KRT33A: variants seen among roughly 807,000 people sequenced by gnomAD.
KRT33A encodes the protein keratin 33A.
Under a neutral mutation model 41.1 loss-of-function variants are expected in KRT33A, and 44 were observed. The observed-to-expected ratio is 1.07, with a 90% CI of 0.84 to 1.38. The LOEUF (loss-of-function observed/expected upper bound fraction) is 1.38. KRT33A is among the 40% of genes most tolerant of loss of function. KRT33A has a pLI of 0.00. For synonymous variants in KRT33A, 229 were observed against 227.8 expected, an observed-to-expected ratio of 1.01 and a Z score of -0.05; for missense variants, 536 against 518.5, an observed-to-expected ratio of 1.03 and a Z score of -0.33.
chr17:41,349,497 A>T, intron 1 of KRT33A, 69 bp from the exon 2 acceptor site: 1 of 1,502,312 alleles, frequency 6.7e-7, no homozygotes, highest in Admixed American at 1.7e-5. Context: ...AGTCCTTCCT[A>T]ATTCACTTCC....
At chr17:41,349,910 G>A (rs2017480376) in intron 1 of KRT33A, among the ~76,000 whole-genome samples, 1 of 152,052 alleles carries the variant, frequency 6.6e-6, no homozygotes, top group South Asian at 2.1e-4. Flanking sequence ...TTCCCAATTT[G>A]GGCCAAACAT....
chr17:41,346,780 G>C lies in KRT33A; in HGVS notation c.876+64C>G, dbSNP rs1015650808. The C allele has an allele frequency of 6.2e-6, 10 of 1,608,884 alleles. No individual in the cohort carries two copies. In the South Asian group the frequency reaches 8.8e-5, roughly 14 times the overall value. On this transcript the variant is annotated intron_variant, in intron 5 of 6. Coordinates refer to ENST00000007735, the MANE Select transcript of KRT33A (RefSeq NM_004138.4). ...GCTAAGGAGAGTGTGTGGCCCCAAG[G>C]GCATCCCCAAGACTCTGCCTCCCAA... is the stretch of plus-strand genomic sequence containing the variant.
At position 41,346,749 on chromosome 17, in the gene KRT33A, C is replaced by T. The variant is rs1048901772; in HGVS notation, c.877-81G>A. 11 of 1,608,936 alleles carry T rather than the reference C, an allele frequency of 6.8e-6. 1 individual carries two copies. The Admixed American group carries it at 1.0e-4, about 15-fold the overall frequency. On this transcript the variant is annotated intron_variant, in intron 5 of 6. Transcript: ENST00000007735. ...TGGGGTTCCAAAGAACTCACAAGCT[C>T]CAAGAGCTAAGGAGAGTGTGTGGCC...
chr17:41,350,629 A>T lies in KRT33A; in HGVS notation c.139T>A (p.Phe47Ile), dbSNP rs769031823. 8.7e-6 allele frequency: 14 copies of T among 1,612,394 alleles called. No individual in the cohort carries two copies. The East Asian group carries it at 2.5e-4, about 28-fold the overall frequency. The part of the protein sequence containing the change: ...IPANVSNCNW[F>I]CEGSFNGSEK... ...CTGCCATTGAAGGAGCCCTCACAGA[A>T]CCAGTTGCAGTTGCTCACATTGGCG... is the stretch of plus-strand genomic sequence containing the variant. Residue 47 changes from phenylalanine to isoleucine, a missense_variant, in exon 1 of 7, where the codon TTC (phenylalanine) becomes ATC (isoleucine). Physicochemically the swap from Phe to Ile is conservative, Grantham distance 21. Transcript: ENST00000007735.
Position 41,346,665 on chromosome 17 carries a change from C to G in KRT33A, c.880G>C (p.Asp294His). 3 of 1,614,172 alleles carry G rather than the reference C, an allele frequency of 1.9e-6. No individual in the cohort carries two copies. Among genetic ancestry groups the G allele is most frequent in the Non-Finnish European group, 2.5e-6 (3 of 1,180,014 alleles). Residue 294 changes from aspartate to histidine, a missense_variant, in exon 6 of 7, where the codon GAC becomes CAC. By Grantham distance (81) the Asp-to-His change is moderately conservative. Coordinates refer to ENST00000007735, the MANE Select transcript of KRT33A (RefSeq NM_004138.4). ...IELQAQHNLRDSLENTLTESE... is the reference protein window; with the variant it reads ...IELQAQHNLRHSLENTLTESE... Reference sequence around the variant, plus strand: ...TCTGTCAGCGTGTTTTCCAGAGAGTCTCGCTGTGGTGGGGAAGATTGAGAG... The same window carrying G: ...TCTGTCAGCGTGTTTTCCAGAGAGTGTCGCTGTGGTGGGGAAGATTGAGAG...
At chr17:41,347,911 A>C (rs1047344863) in intron 3 of KRT33A, among the ~76,000 whole-genome samples, 1 of 152,230 alleles carries the variant, frequency 6.6e-6, no homozygotes, top group Non-Finnish European at 1.5e-5. Flanking sequence ...TGTTTGGCAC[A>C]TACTAAGCAC....
intron 3 of KRT33A, among the ~76,000 whole-genome samples, chr17:41,347,866 G>A (rs1038800405): frequency 1.6e-4 from 25 of 152,220 alleles, no homozygotes; most frequent in Non-Finnish European, 3.4e-4. Flanking sequence ...ATCTTAACAT[G>A]AGAACTGCCT....
chr17:41,346,622 C>T lies in KRT33A; in HGVS notation c.923G>A (p.Ser308Asn), dbSNP rs371555388. 12 of 1,614,262 alleles carry T rather than the reference C, an allele frequency of 7.4e-6. No individual in the cohort carries two copies. Among genetic ancestry groups the T allele is most frequent in the Non-Finnish European group, 1.0e-5 (12 of 1,180,050 alleles). Residue 308 changes from serine to asparagine, a missense_variant, in exon 6 of 7, where the codon AGC becomes AAC. Physicochemically the swap from Ser to Asn is conservative, Grantham distance 46 (BLOSUM62 1). Transcript: ENST00000007735. The stretch of plus-strand genomic sequence containing the variant: ...TCTCTGCACCTGGGACAGCTGGGAG[C>T]TGTAGCGGGCCTCGCTCTCTGTCAG... ...NTLTESEARY[S>N]SQLSQVQRLI... is the part of the protein sequence containing the mutation.
Position 41,346,927 on chromosome 17 carries a change from G to T in KRT33A, c.793C>A (p.Leu265Met), listed in dbSNP as rs754124829. ...NKQVVSSSEQ[L>M]QSYQAEIIEL... ...ATGATCTCCGCCTGGTAGGACTGCAGCTGCTCCGAGCTGGATACCACCTGC... is the reference window on the plus strand; with the variant it reads ...ATGATCTCCGCCTGGTAGGACTGCATCTGCTCCGAGCTGGATACCACCTGC... The change falls in exon 5 of 7, where the codon CTG (leucine) becomes ATG (methionine). Residue 265 changes from leucine (L) to methionine (M), a missense_variant. Transcript: ENST00000007735. 5 of 1,613,280 alleles carry T rather than the reference G, an allele frequency of 3.1e-6. No individual in the cohort carries two copies. In the South Asian group the frequency reaches 5.5e-5, roughly 18 times the overall value.
chr17:41,349,529 T>A, intron 1 of KRT33A, 101 bp from the exon 2 acceptor site: 1 of 1,178,022 alleles, frequency 8.5e-7, no homozygotes, highest in Non-Finnish European at 1.2e-6. Context: ...AGGATGTCTA[T>A]CTTATTAAAT....
At chr17:41,349,849 C>T (rs920583624) in intron 1 of KRT33A, among the ~76,000 whole-genome samples, 1 of 151,874 alleles carries the variant, frequency 6.6e-6, no homozygotes, top group Admixed American at 6.6e-5. Context: ...GCCACATGTT[C>T]CCAGATGTCC....
chr17:41,347,110 G>C lies in KRT33A; in HGVS notation c.701C>G (p.Ala234Gly), dbSNP rs763128621. The change falls in exon 4 of 7, where the codon GCC (alanine) becomes GGC (glycine). Residue 234 changes from alanine (A) to glycine (G), a missense_variant. Physicochemically the swap from Ala to Gly is moderately conservative, Grantham distance 60 (BLOSUM62 0). Transcript: ENST00000007735. The stretch of plus-strand genomic sequence containing the variant: ...TTCCCTGCGGTTGGTTTCCACCAGG[G>C]CCTCATACTGACTCCTGGTCTCATT... ...VLNETRSQYEALVETNRREVE... is the reference protein window; with the variant it reads ...VLNETRSQYEGLVETNRREVE... The C allele has an allele frequency of 5.6e-6, 9 of 1,614,054 alleles. No individual in the cohort carries two copies. The highest frequency in any genetic ancestry group is 7.6e-6 in the Non-Finnish European group (9 of 1,180,022).
At chr17:41,350,374 C>A in intron 1 of KRT33A, 46 bp downstream of exon 1, 1 of 1,590,844 alleles carries the variant, frequency 6.3e-7, no homozygotes, top group South Asian at 1.1e-5. Context: ...CTCGGATTCT[C>A]TCCCGACAAC....
chr17:41,350,268 A>C, intron 1 of KRT33A, 152 bp downstream of exon 1: 1 of 821,370 alleles, frequency 1.2e-6, no homozygotes. Context: ...AACAGTCCCA[A>C]GTCTAGTATT....
At position 41,350,744 on chromosome 17, in the gene KRT33A, G is replaced by T. The variant is rs1361227859; in HGVS notation, c.24C>A (p.Pro8=). 2.5e-6 allele frequency: 4 copies of T among 1,611,824 alleles called. No homozygotes were observed. The South Asian group carries it at 4.4e-5, about 18-fold the overall frequency. Residue 8 remains proline, a synonymous_variant, in exon 1 of 7, where the codon CCC becomes CCA. Coordinates refer to ENST00000007735, the MANE Select transcript of KRT33A (RefSeq NM_004138.4). MSYSCGL[P]SLSCRTSCSS... ...AGCAGCTGGTGCGGCAGCTCAGGCT[G>T]GGCAGGCCACAACTGTAAGACATGG...
intron 2 of KRT33A, among the ~76,000 whole-genome samples, 161 bp from the exon 3 acceptor site, chr17:41,348,800 G>A (rs2017461800): frequency 6.6e-6 from 1 of 152,088 alleles, no homozygotes; most frequent in Non-Finnish European, 1.5e-5. Flanking sequence ...AAAATGCACT[G>A]GTAATTTTAC....
chr17:41,348,387 C>T, intron 3 of KRT33A, 96 bp downstream of exon 3: 1 of 1,253,662 alleles, frequency 8.0e-7, no homozygotes, highest in Non-Finnish European at 1.1e-6. Flanking sequence ...ACTTCCTCAG[C>T]TAATTGAGCC....
Position 41,346,903 on chromosome 17 carries a change from T to C in KRT33A, c.817A>G (p.Ile273Val). 6.2e-7 allele frequency: 1 copy of C among 1,613,234 alleles called. No individual in the cohort carries two copies. Among genetic ancestry groups the C allele is most frequent in the South Asian group, 1.1e-5 (1 of 91,044 alleles). The change falls in exon 5 of 7, where the codon ATC (isoleucine) becomes GTC (valine). Residue 273 changes from isoleucine (I) to valine (V), a missense_variant. Coordinates refer to ENST00000007735, the MANE Select transcript of KRT33A (RefSeq NM_004138.4). ...GCATTGACCGTGCGTCTCAGCTCGA[T>C]GATCTCCGCCTGGTAGGACTGCAGC... is the stretch of plus-strand genomic sequence containing the variant. Reference protein sequence around the residue: ...EQLQSYQAEIIELRRTVNALE... With the variant: ...EQLQSYQAEIVELRRTVNALE...
In KRT33A at chr17:41,346,649, G is replaced by A. The variant is rs781494010; in HGVS notation, c.896C>T (p.Thr299Met). 37 of 1,614,108 alleles carry A rather than the reference G, an allele frequency of 2.3e-5. No homozygotes were observed. The highest frequency in any genetic ancestry group is 2.6e-5 in the Non-Finnish European group (31 of 1,180,050). Residue 299 changes from threonine (T) to methionine (M), a missense_variant, in exon 6 of 7, where the codon ACG becomes ATG. Transcript: ENST00000007735. ...QHNLRDSLEN[T>M]LTESEARYSS... ...GTAGCGGGCCTCGCTCTCTGTCAGC[G>A]TGTTTTCCAGAGAGTCTCGCTGTGG...
Sources: allele counts gnomAD v4.1 joint callset (sites outside exome capture counted in the v4.1 genomes callset), GRCh38; gene constraint gnomAD v4.1.1; transcripts MANE v1.5; gene names NCBI Gene and HGNC (gene_info 2026-07-23, HGNC 2026-07-21).